The following TRPV2 variants were observed in gnomAD, a reference collection of about 807,000 sequenced individuals.
TRPV2 encodes transient receptor potential cation channel subfamily V member 2.
A neutral mutation model predicts 91.0 loss-of-function variants in TRPV2; 58 were observed. That is an observed-to-expected ratio of 0.64 (90% CI 0.52 to 0.79). The LOEUF is 0.79. TRPV2 is among the 30% of genes least tolerant of loss of function. TRPV2 has a pLI of 0.00. For missense variants in TRPV2, 807 were observed against 969.6 expected (o/e 0.83, Z 2.23); for synonymous variants, 417 against 414.8 (o/e 1.01, Z -0.06).
chr17:16,419,784 G>A (rs149702467), intron 2 of TRPV2, among the ~76,000 whole-genome samples: 2 of 152,338 alleles, frequency 1.3e-5, no homozygotes, highest in African/African-American at 4.8e-5. Context: ...GTGTGCTGAA[G>A]GGGACCCAGT....
In TRPV2 at chr17:16,436,785, A is replaced by G; in HGVS notation, c.2195-4A>G. The G allele has an allele frequency of 1.2e-6, 2 of 1,611,560 alleles. No homozygotes were observed. ...AAGCTACAGTGCTTGCCATCTGTTT[A>G]CAGGAACTCTCGAGAACCCTGTCCT... On this transcript the variant is annotated splice_polypyrimidine_tract_variant and splice_region_variant and intron_variant, in intron 14 of 14. Transcript: ENST00000338560.
At chr17:16,417,195 C>T (rs1283512277) in intron 1 of TRPV2, among the ~76,000 whole-genome samples, 1 of 152,104 alleles carries the variant, frequency 6.6e-6, no homozygotes, top group East Asian at 1.9e-4. Context: ...AGTGGGTGGA[C>T]CTACTTGCAC....
chr17:16,436,161 TCTGCC>T (rs1265236095), intron 14 of TRPV2, among the ~76,000 whole-genome samples: 1 of 152,042 alleles, frequency 6.6e-6, no homozygotes, highest in African/African-American at 2.4e-5. Context: ...CACTCATCCC[TCTGCC>T]CTGCCCTGCC....
At chr17:16,423,284 A>G (rs1262426234) in intron 4 of TRPV2, among the ~76,000 whole-genome samples, 185 bp from the exon 5 acceptor site, 1 of 152,280 alleles carries the variant, frequency 6.6e-6, no homozygotes, top group African/African-American at 2.4e-5. Context: ...AAGAGGCAGC[A>G]TGCCTGGGCT....
At chr17:16,432,439 C>CATT in intron 12 of TRPV2, 139 bp downstream of exon 12, 7 of 534,732 alleles carry the variant, frequency 1.3e-5, no homozygotes, top group Admixed American at 3.6e-5. Flanking sequence ...CTTCCTCTTC[C>CATT]TTTTTTTTTT....
chr17:16,434,809 T>G, intron 13 of TRPV2, 81 bp from the exon 14 acceptor site: 1 of 1,374,048 alleles, frequency 7.3e-7, no homozygotes, highest in Non-Finnish European at 1.0e-6. Context: ...GTCTCCCAAT[T>G]TGGGGGGCCA....
At position 16,422,214 on chromosome 17, in the gene TRPV2, T is replaced by C. The variant is rs571514705; in HGVS notation, c.335-385T>C. 5.6e-4 allele frequency among the ~76,000 whole-genome samples: 83 copies of C among 148,872 alleles called. 1 individual carries two copies. The highest frequency in any genetic ancestry group is 1.0e-3 in the Admixed American group (15 of 14,858). On this transcript the variant is annotated intron_variant, in intron 3 of 14. Coordinates refer to ENST00000338560, the MANE Select transcript of TRPV2 (RefSeq NM_016113.5). ...GGTGTGCGCCTGTGGTCCCAGCTGC[T>C]GGGGAGGCTGAGGCAGGAAAACGGC...
At chr17:16,433,505 T>C in intron 12 of TRPV2, 69 bp from the exon 13 acceptor site, 1 of 1,586,708 alleles carries the variant, frequency 6.3e-7, no homozygotes, top group Non-Finnish European at 8.6e-7. Context: ...CCTGCTCCGC[T>C]TGCCTTGTGT....
intron 1 of TRPV2, chr17:16,416,775 C>T (rs979523095): frequency 1.3e-5 from 2 of 152,234 alleles, no homozygotes; most frequent in Non-Finnish European, 2.9e-5. Context: ...AGCCACTCCC[C>T]CTTTCTAAGC....
chr17:16,426,488 G>C lies in TRPV2; in HGVS notation c.1095+219G>C, dbSNP rs940327022. 2.0e-5 allele frequency among the ~76,000 whole-genome samples: 3 copies of C among 152,172 alleles called. No homozygotes were observed. Among genetic ancestry groups the C allele is most frequent in the Non-Finnish European group, 4.4e-5 (3 of 68,032 alleles). On this transcript the variant is annotated intron_variant, in intron 6 of 14. Coordinates refer to ENST00000338560, the MANE Select transcript of TRPV2 (RefSeq NM_016113.5). This position sits in a 1 kb window ranked among gnomAD's most constrained non-coding sequence, Gnocchi z 6.0. ...AGACGGGGATCATGCCAAGGGCCTC[G>C]TGGCAACCATCCGGGTCCTCTCTGT... is the stretch of plus-strand genomic sequence containing the variant.
chr17:16,430,484 TTCC>T (rs35612591), intron 10 of TRPV2, among the ~76,000 whole-genome samples: 37,188 of 144,428 alleles, frequency 0.26, 5,660 homozygotes, highest in Non-Finnish European at 0.35. Flanking sequence ...CAGAAATGCC[TTCC>T]TTTTTTTTTT....
At chr17:16,431,285 ATACATATTTTTTTTT>A (rs1263833269) in intron 10 of TRPV2, among the ~76,000 whole-genome samples, 2 of 43,686 alleles carry the variant, frequency 4.6e-5, no homozygotes, top group African/African-American at 8.2e-5. Context: ...ATATATATAT[ATACATATTTTTTTTT>A]TTTTTTTTTT....
At chr17:16,420,350 T>C in intron 3 of TRPV2, 102 bp downstream of exon 3, 1 of 1,370,732 alleles carries the variant, frequency 7.3e-7, no homozygotes, top group Non-Finnish European at 1.0e-6. Context: ...GAGTGAGTGT[T>C]CTCAGCAGCC....
rs2093338295 is a variant in TRPV2 at position 16,417,785 on chromosome 17, G to A, written c.117G>A (p.Met39Ile). ...KLDFGSGLPP[M>I]ESQFQGEDRK... ...ATTTTGGGAGCGGGCTGCCTCCCAT[G>A]GAGTCACAGTTCCAGGGCGAGGACC... Residue 39 changes from methionine to isoleucine, a missense_variant, in exon 2 of 15, where the codon ATG becomes ATA. By Grantham distance (10) the Met-to-Ile change is conservative (BLOSUM62 1). Coordinates refer to ENST00000338560, the MANE Select transcript of TRPV2 (RefSeq NM_016113.5). 1 of 1,614,096 alleles carries A rather than the reference G, an allele frequency of 6.2e-7. No individual in the cohort carries two copies.
At position 16,426,911 on chromosome 17, in the gene TRPV2, G is replaced by T. The variant is rs1391396735; in HGVS notation, c.1251+34G>T. 11 of 1,597,796 alleles carry T rather than the reference G, an allele frequency of 6.9e-6. No homozygotes were observed. Among genetic ancestry groups the T allele is most frequent in the Non-Finnish European group, 7.7e-6 (9 of 1,172,290 alleles). ...GTGAGGTTTGGGGGGGCACATCTTG[G>T]GGGAGGCCTGCTTGAAACAACCCTG... On this transcript the variant is annotated intron_variant, in intron 7 of 14. Coordinates refer to ENST00000338560, the MANE Select transcript of TRPV2 (RefSeq NM_016113.5). The surrounding 1 kb of genome is among the most constrained non-coding windows in gnomAD (Gnocchi z 6.0).
At chr17:16,417,103 C>A (rs2093334388) in intron 1 of TRPV2, among the ~76,000 whole-genome samples, 1 of 151,804 alleles carries the variant, frequency 6.6e-6, no homozygotes, top group Non-Finnish European at 1.5e-5. Context: ...TTCCTCACCC[C>A]ACAGGCCTCC....
chr17:16,428,207 A>G, intron 8 of TRPV2, 110 bp from the exon 9 acceptor site: 1 of 993,410 alleles, frequency 1.0e-6, no homozygotes. Flanking sequence ...CCCAAAACCA[A>G]AGCTGCTGAC....
intron 1 of TRPV2, chr17:16,416,253 C>G (rs1357299280): frequency 1.3e-5 from 2 of 152,824 alleles, no homozygotes. Context: ...GAAAATACCC[C>G]ACCCGGGTCC....
chr17:16,427,954 A>G (rs2093391629), intron 8 of TRPV2, among the ~76,000 whole-genome samples: 1 of 152,146 alleles, frequency 6.6e-6, no homozygotes, highest in African/African-American at 2.4e-5. Flanking sequence ...TGCAGGACAC[A>G]GGCTGGACAC....
Sources: allele counts gnomAD v4.1 joint callset (sites outside exome capture counted in the v4.1 genomes callset), GRCh38; gene constraint gnomAD v4.1.1; non-coding constraint Gnocchi (gnomAD v3.1); transcripts MANE v1.5; gene names NCBI Gene and HGNC (gene_info 2026-07-23, HGNC 2026-07-21).